The following SPINT2 variants were observed in gnomAD, a reference collection of about 807,000 sequenced individuals.
SPINT2 encodes kunitz-type protease inhibitor 2.
A neutral mutation model predicts 30.1 loss-of-function variants in SPINT2; 18 were observed. The ratio of observed to expected loss-of-function variants is 0.60; its 90% CI spans 0.41 to 0.89. The LOEUF (loss-of-function observed/expected upper bound fraction) is 0.89. Ranked by LOEUF, SPINT2 falls within the 40% of genes least tolerant of loss-of-function variation. The pLI is 0.00. For missense variants in SPINT2, 276 were observed against 334.3 expected (o/e 0.83, Z 1.36); for synonymous variants, 139 against 137.9 (o/e 1.01, Z -0.05).
chr19:38,279,847 T>C (rs1295934031), intron 1 of SPINT2, among the ~76,000 whole-genome samples: 1 of 152,002 alleles, frequency 6.6e-6, no homozygotes, highest in African/African-American at 2.4e-5. Context: ...AGAGATGGGG[T>C]TTCGCCATGT....
chr19:38,288,936 G>T, intron 3 of SPINT2: 1 of 582,034 alleles, frequency 1.7e-6, no homozygotes, highest in Non-Finnish European at 3.1e-6. Flanking sequence ...TGGCGGCAGG[G>T]CCACCACATC....
At chr19:38,287,053 G>A (rs1456139266) in intron 2 of SPINT2, among the ~76,000 whole-genome samples, 1 of 152,144 alleles carries the variant, frequency 6.6e-6, no homozygotes, top group Non-Finnish European at 1.5e-5. Context: ...TTTCACTCTT[G>A]TTGCCCAGGT....
chr19:38,273,495 G>A (rs936484465), intron 1 of SPINT2, among the ~76,000 whole-genome samples: 3 of 152,202 alleles, frequency 2.0e-5, no homozygotes, highest in Non-Finnish European at 2.9e-5. Context: ...CACTGTGCCC[G>A]GCCTCAGTAC....
chr19:38,290,191 G>C lies in SPINT2; in HGVS notation c.464G>C (p.Arg155Thr). ...CCACGCTGGTACTTTGACGTGGAGA[G>C]GAACTCCTGCAATAACTTCATCTAT... ...SFPRWYFDVE[R>T]NSCNNFIYGG... Residue 155 changes from arginine (R) to threonine (T), a missense_variant, in exon 5 of 7, where the codon AGG becomes ACG. Transcript: ENST00000301244. The surrounding 1 kb of genome is among the most constrained non-coding windows in gnomAD (Gnocchi z 4.3). 6.2e-7 allele frequency: 1 copy of C among 1,612,598 alleles called. No individual in the cohort carries two copies. Among genetic ancestry groups the C allele is most frequent in the Non-Finnish European group, 8.5e-7 (1 of 1,180,040 alleles).
chr19:38,287,750 C>T, intron 2 of SPINT2, 126 bp from the exon 3 acceptor site: 3 of 1,010,684 alleles, frequency 3.0e-6, no homozygotes, highest in South Asian at 2.5e-5. Context: ...CTGGCATGCA[C>T]ATTGAAGGTC....
At chr19:38,287,779 G>T in intron 2 of SPINT2, 97 bp from the exon 3 acceptor site, 1 of 1,301,800 alleles carries the variant, frequency 7.7e-7, no homozygotes, top group Non-Finnish European at 1.1e-6. Context: ...AGGAGAAGTG[G>T]ATGCTGTGGT....
intron 1 of SPINT2, among the ~76,000 whole-genome samples, chr19:38,279,080 A>G (rs1968551039): frequency 6.6e-6 from 1 of 152,170 alleles, no homozygotes; most frequent in Admixed American, 6.6e-5. Context: ...ATACTCACAA[A>G]AAGATGTGTG....
intron 1 of SPINT2, among the ~76,000 whole-genome samples, chr19:38,281,484 C>T (rs141596237): frequency 2.0e-5 from 3 of 152,040 alleles, no homozygotes; most frequent in African/African-American, 4.8e-5. Flanking sequence ...CTGAGATGGG[C>T]GGATCACCTG....
chr19:38,291,966 A>G lies in SPINT2; in HGVS notation c.719A>G (p.Asp240Gly). The G allele has an allele frequency of 6.2e-7, 1 of 1,614,132 alleles. No homozygotes were observed. The highest frequency in any genetic ancestry group is 2.2e-5 in the East Asian group (1 of 44,876). Residue 240 changes from aspartate (D) to glycine (G), a missense_variant, in exon 7 of 7, where the codon GAT becomes GGT. By Grantham distance (94) the Asp-to-Gly change is moderately conservative. Transcript: ENST00000301244. ...RALRTVWSSGDDKEQLVKNTY... is the reference protein window; with the variant it reads ...RALRTVWSSGGDKEQLVKNTY... Reference sequence around the variant, plus strand: ...CTGCGCACCGTCTGGAGCTCCGGAGATGACAAGGAGCAGCTGGTGAAGAAC... The same window carrying G: ...CTGCGCACCGTCTGGAGCTCCGGAGGTGACAAGGAGCAGCTGGTGAAGAAC...
At chr19:38,274,906 C>G (rs530246422) in intron 1 of SPINT2, among the ~76,000 whole-genome samples, 73 of 152,020 alleles carry the variant, frequency 4.8e-4, no homozygotes, top group African/African-American at 1.6e-3. Context: ...GATCTGCAGC[C>G]AGGGAGCTTG....
At chr19:38,270,910 C>G (rs1968447312) in intron 1 of SPINT2, among the ~76,000 whole-genome samples, 1 of 152,168 alleles carries the variant, frequency 6.6e-6, no homozygotes, top group Non-Finnish European at 1.5e-5. Flanking sequence ...CCATTAGCCC[C>G]AGGAGGCCTT....
chr19:38,292,148 T>C lies in SPINT2; in HGVS notation c.*142T>C, dbSNP rs1968729740. ...GAGGTAGGACGGCTGCTTCCTGGTC[T>C]GGCAGGGATGGGTTTGCTTTGGAAA... On this transcript the variant is annotated 3_prime_UTR_variant, in exon 7 of 7. Transcript: ENST00000301244. 1.7e-6 allele frequency: 2 copies of C among 1,203,676 alleles called. No individual in the cohort carries two copies. The highest frequency in any genetic ancestry group is 1.5e-5 in the African/African-American group (1 of 66,434). The allele number at this position is 1,203,676 out of a possible 1,614,324, so 74.6% of individuals were successfully genotyped here.
intron 3 of SPINT2, 163 bp from the exon 4 acceptor site, chr19:38,288,975 A>G (rs1346818746): frequency 2.9e-6 from 2 of 692,128 alleles, no homozygotes; most frequent in East Asian, 2.6e-5. Context: ...CGTAGAGCCC[A>G]TTAGGGCTGG....
chr19:38,264,824 G>C lies in SPINT2; in HGVS notation c.-69G>C. 6.8e-7 allele frequency: 1 copy of C among 1,479,664 alleles called. No individual in the cohort carries two copies. The highest frequency in any genetic ancestry group is 1.4e-5 in the African/African-American group (1 of 71,338). 91.7% of individuals were successfully genotyped at this position (1,479,664 alleles called of 1,614,324 possible). A position where few individuals can be genotyped will look rare whatever the true frequency, so the allele number is the denominator to read the frequency against. On this transcript the variant is annotated 5_prime_UTR_variant, in exon 1 of 7. Coordinates refer to ENST00000301244, the MANE Select transcript of SPINT2 (RefSeq NM_021102.4). ...CTCCATTGCGCGTGCGCGTTGAGGGGCTTCCCGCACCTGATCGCGAGACCC... is the reference window on the plus strand; with the variant it reads ...CTCCATTGCGCGTGCGCGTTGAGGGCCTTCCCGCACCTGATCGCGAGACCC...
chr19:38,269,254 C>T (rs886398836), intron 1 of SPINT2, among the ~76,000 whole-genome samples: 7 of 151,950 alleles, frequency 4.6e-5, no homozygotes, highest in East Asian at 1.9e-4. Context: ...CCCGCCACCA[C>T]GCCCGGCTAA....
chr19:38,289,853 C>T (rs1269545279), intron 4 of SPINT2: 3 of 529,298 alleles, frequency 5.7e-6, no homozygotes, highest in Non-Finnish European at 1.0e-5. Context: ...CCAGATAGGT[C>T]TCATAGAGAC....
chr19:38,272,156 G>A lies in SPINT2; in HGVS notation c.106+7158G>A, dbSNP rs954178373. Among the ~76,000 whole-genome samples the A allele has an allele frequency of 5.3e-5, 8 of 151,604 alleles. No individual in the cohort carries two copies. The East Asian group carries it at 1.4e-3, about 26-fold the overall frequency. On this transcript the variant is annotated intron_variant, in intron 1 of 6. Coordinates refer to ENST00000301244, the MANE Select transcript of SPINT2 (RefSeq NM_021102.4). ...GTGGAGGTTGCAGTGAGCCGAGATC[G>A]CACCATTGCACTCCAGCCTGGGCGA...
rs1968729099 is a variant in SPINT2, at chr19:38,292,099, T to A, written c.*93T>A. 5.3e-6 allele frequency: 8 copies of A among 1,518,618 alleles called. No homozygotes were observed. Among genetic ancestry groups the A allele is most frequent in the Non-Finnish European group, 6.2e-6 (7 of 1,121,772 alleles). The allele number at this position is 1,518,618 out of a possible 1,614,324, so 94.1% of individuals were successfully genotyped here. A position where few individuals can be genotyped will look rare whatever the true frequency, so the allele number is the denominator to read the frequency against. ...GATTGACTCGGATTTGAGTGATCAT[T>A]AGGGCTGAGGTCTGTTTCTCTGGGA... On this transcript the variant is annotated 3_prime_UTR_variant, in exon 7 of 7. Coordinates refer to ENST00000301244, the MANE Select transcript of SPINT2 (RefSeq NM_021102.4).
rs1226414959 is a variant in SPINT2 at position 38,283,629 on chromosome 19, TTC to T, written c.111_112del (p.Phe37LeufsTer16). ...CCGGGTTGTGCTTCGCGTTTCAGAC[TTC>T]TGCCTGGTGTCGAAGGTGGTGGGCA... Reference protein sequence around the residue: ...AADRERSIHDFCLVSKVVGRC... With the variant: ...AADRERSIHDXCLVSKVVGRC... On this transcript the variant is annotated frameshift_variant, in exon 2 of 7. Coordinates refer to ENST00000301244, the MANE Select transcript of SPINT2 (RefSeq NM_021102.4). LOFTEE classifies it high-confidence loss of function. 1 of 1,614,034 alleles carries T rather than the reference TTC, an allele frequency of 6.2e-7. No homozygotes were observed. Among genetic ancestry groups the T allele is most frequent in the Non-Finnish European group, 8.5e-7 (1 of 1,179,994 alleles).
Sources: gnomAD v4.1 joint callset for allele counts (sites outside exome capture counted in the v4.1 genomes callset) on GRCh38, gnomAD v4.1.1 for gene constraint, Gnocchi (gnomAD v3.1) non-coding constraint, MANE v1.5 for transcripts, NCBI Gene and HGNC (gene_info 2026-07-23, HGNC 2026-07-21) for gene names.